The following CSGALNACT1 variants were observed in gnomAD, a reference collection of about 807,000 sequenced individuals.
The protein encoded by CSGALNACT1 is beta4GalNAcT-1.
In CSGALNACT1, 52 loss-of-function variants were observed where a neutral mutation model predicts 51.0. That is an observed-to-expected ratio of 1.02 (90% CI 0.82 to 1.29). The LOEUF (loss-of-function observed/expected upper bound fraction) is 1.29, where lower values mean the gene tolerates loss of function less well. Among genes scored for constraint, CSGALNACT1 ranks in the 50% most tolerant of loss-of-function variants. The pLI, the probability that CSGALNACT1 is intolerant of heterozygous loss-of-function variation, is 0.00. For missense variants in CSGALNACT1, 935 were observed against 679.2 expected, an observed-to-expected ratio of 1.38 and a Z score of -4.19; for synonymous variants, 341 against 254.4, an observed-to-expected ratio of 1.34 and a Z score of -3.24.
At chr8:19,647,362 A>G (rs1446847190) in intron 1 of CSGALNACT1, among the ~76,000 whole-genome samples, 1 of 152,230 alleles carries the variant, frequency 6.6e-6, no homozygotes, top group African/African-American at 2.4e-5. Context: ...GGATGTATTG[A>G]GTTGGAATCA....
chr8:19,541,230 C>T (rs893324761), intron 3 of CSGALNACT1, among the ~76,000 whole-genome samples: 6 of 150,832 alleles, frequency 4.0e-5, no homozygotes, highest in African/African-American at 1.5e-4. Flanking sequence ...CAGGCACATG[C>T]CACCAAACTT....
At chr8:19,667,146 T>A (rs2059443682) in intron 1 of CSGALNACT1, among the ~76,000 whole-genome samples, 1 of 151,202 alleles carries the variant, frequency 6.6e-6, no homozygotes, top group Non-Finnish European at 1.5e-5. Flanking sequence ...TTCAGCCAGG[T>A]GCACAGGCTC....
intron 3 of CSGALNACT1, among the ~76,000 whole-genome samples, chr8:19,536,052 TG>T (rs2083664202): frequency 6.6e-6 from 1 of 152,154 alleles, no homozygotes; most frequent in South Asian, 2.1e-4. Flanking sequence ...GCAGAAGACA[TG>T]ATCTATATAG....
intron 1 of CSGALNACT1, among the ~76,000 whole-genome samples, chr8:19,747,748 G>A (rs2064769844): frequency 6.6e-6 from 1 of 151,872 alleles, no homozygotes; most frequent in African/African-American, 2.4e-5. Flanking sequence ...CAGCTACAGA[G>A]CTCTGTCTCC....
intron 5 of CSGALNACT1, among the ~76,000 whole-genome samples, chr8:19,454,739 G>A (rs930067792): frequency 1.3e-5 from 2 of 151,988 alleles, no homozygotes; most frequent in Non-Finnish European, 2.9e-5. Flanking sequence ...GTGTAGCTGT[G>A]CTGATTTCGT....
chr8:19,564,236 C>A (rs967893675), intron 3 of CSGALNACT1, among the ~76,000 whole-genome samples: 1 of 152,144 alleles, frequency 6.6e-6, no homozygotes, highest in African/African-American at 2.4e-5. Flanking sequence ...ACAAAATCTA[C>A]GTTTTCTACT....
intron 1 of CSGALNACT1, among the ~76,000 whole-genome samples, chr8:19,642,288 C>T (rs960701615): frequency 7.8e-4 from 119 of 152,116 alleles, no homozygotes; most frequent in African/African-American, 1.4e-3. Flanking sequence ...TAAAGTAAAA[C>T]GGTTACAATG....
intron 3 of CSGALNACT1, among the ~76,000 whole-genome samples, chr8:19,560,555 C>T (rs935114001): frequency 2.0e-5 from 3 of 152,074 alleles, no homozygotes; most frequent in South Asian, 2.1e-4. Context: ...ATACACAACA[C>T]GATGGAAAAA....
chr8:19,696,745 A>C (rs1446047775), intron 1 of CSGALNACT1, among the ~76,000 whole-genome samples: 3 of 152,166 alleles, frequency 2.0e-5, no homozygotes, highest in African/African-American at 7.2e-5. Flanking sequence ...GCTTCAGCAC[A>C]CAAGTTCATG....
At chr8:19,716,122 T>C (rs1455363776) in intron 1 of CSGALNACT1, among the ~76,000 whole-genome samples, 1 of 152,160 alleles carries the variant, frequency 6.6e-6, no homozygotes, top group African/African-American at 2.4e-5. Context: ...CTGCCAATCC[T>C]TCAATAATCC....
At chr8:19,727,681 T>A (rs2063479987) in intron 1 of CSGALNACT1, among the ~76,000 whole-genome samples, 1 of 152,180 alleles carries the variant, frequency 6.6e-6, no homozygotes, top group South Asian at 2.1e-4. Flanking sequence ...TATTCTCCTT[T>A]TTGGTCATGG....
intron 4 of CSGALNACT1, among the ~76,000 whole-genome samples, chr8:19,504,806 G>A (rs2077005490): frequency 6.6e-6 from 1 of 152,172 alleles, no homozygotes; most frequent in Admixed American, 6.5e-5. Flanking sequence ...AGTGTGGCTG[G>A]CACATGTAAG....
In CSGALNACT1 at chr8:19,667,049, A is replaced by G. The variant is rs1234371146; in HGVS notation, c.-544+15424T>C. Among the ~76,000 whole-genome samples, 181 of 105,792 alleles carry G rather than the reference A, an allele frequency of 1.7e-3. 21 individuals carry two copies. The highest frequency in any genetic ancestry group is 0.01 in the East Asian group (30 of 2,956). 69.4% of individuals were successfully genotyped at this position (105,792 alleles called of 152,430 possible). Reference sequence around the variant, plus strand: ...GAAGGAAGGAAGGAAGGAAGAAAGAAAGAAAGAAAGAAAGAAAGAAAGAAA... The same window carrying G: ...GAAGGAAGGAAGGAAGGAAGAAAGAGAGAAAGAAAGAAAGAAAGAAAGAAA... On this transcript the variant is annotated intron_variant, in intron 1 of 9. Coordinates refer to the CSGALNACT1 transcript ENST00000332246.
At chr8:19,595,195 TC>T (rs2048639271) in intron 2 of CSGALNACT1, among the ~76,000 whole-genome samples, 2 of 152,172 alleles carry the variant, frequency 1.3e-5, no homozygotes, top group South Asian at 2.1e-4. Context: ...TTGTTAACCA[TC>T]CCGTTTTAAA....
At chr8:19,597,761 A>C (rs1424969584) in intron 2 of CSGALNACT1, among the ~76,000 whole-genome samples, 2 of 152,368 alleles carry the variant, frequency 1.3e-5, no homozygotes, top group East Asian at 3.9e-4. Context: ...TAACATTGCT[A>C]GCTTCTGATG....
At chr8:19,743,982 T>C (rs1268000286) in intron 1 of CSGALNACT1, among the ~76,000 whole-genome samples, 1 of 152,092 alleles carries the variant, frequency 6.6e-6, no homozygotes, top group East Asian at 1.9e-4. Flanking sequence ...AAAAGACAAA[T>C]GATCCAGAAA....
chr8:19,649,880 A>C (rs2154183109), intron 1 of CSGALNACT1, among the ~76,000 whole-genome samples: 1 of 141,274 alleles, frequency 7.1e-6, no homozygotes, highest in Non-Finnish European at 1.5e-5. Flanking sequence ...TCTTAATTGT[A>C]AGCTCTAATA....
intron 3 of CSGALNACT1, among the ~76,000 whole-genome samples, chr8:19,508,674 G>C (rs2077835145): frequency 6.6e-6 from 1 of 152,166 alleles, no homozygotes; most frequent in African/African-American, 2.4e-5. Flanking sequence ...TAAAAAGATT[G>C]TCGTTAAAGA....
intron 3 of CSGALNACT1, among the ~76,000 whole-genome samples, chr8:19,528,585 G>C (rs554717712): frequency 2.6e-4 from 37 of 141,612 alleles, no homozygotes; most frequent in Admixed American, 1.7e-3. Context: ...CCTTATGTGA[G>C]AATTACTCTT....
Sources: gnomAD v4.1 joint callset for allele counts (sites outside exome capture counted in the v4.1 genomes callset) on GRCh38, gnomAD v4.1.1 for gene constraint, MANE v1.5 for transcripts, NCBI Gene and HGNC (gene_info 2026-07-23, HGNC 2026-07-21) for gene names.